The following ECH1 variants were observed in gnomAD, a reference collection of about 807,000 sequenced individuals.
ECH1 encodes the protein delta(3,5)-Delta(2,4)-dienoyl-CoA isomerase, mitochondrial.
In ECH1, 30 loss-of-function variants were observed where a neutral mutation model predicts 37.0. The observed-to-expected ratio is 0.81, with a 90% CI of 0.61 to 1.10. The LOEUF (loss-of-function observed/expected upper bound fraction) is 1.10. Ranked by LOEUF, ECH1 falls within the 50% of genes least tolerant of loss-of-function variation. The pLI, the probability that ECH1 is intolerant of heterozygous loss-of-function variation, is 0.00. For synonymous variants in ECH1, 178 were observed against 176.0 expected (o/e 1.01, Z -0.09); for missense variants, 456 against 441.6 (o/e 1.03, Z -0.29).
chr19:38,831,448 C>G lies in ECH1; in HGVS notation c.121G>C (p.Glu41Gln). Residue 41 changes from glutamate to glutamine, a missense_variant, in exon 2 of 10, where the codon GAG becomes CAG. Glu to Gln is a conservative substitution (Grantham distance 29). Transcript: ENST00000221418. ...LRLTGSSAQEEASGVALGEAP... is the reference protein window; with the variant it reads ...LRLTGSSAQEQASGVALGEAP... The stretch of plus-strand genomic sequence containing the variant: ...TCACCGAGGGCTACTCCGGAAGCCT[C>G]CTCTTGTGCAGAGGAGCCAGTGAGG... The G allele has an allele frequency of 6.2e-7, 1 of 1,614,108 alleles. No individual in the cohort carries two copies. The highest frequency in any genetic ancestry group is 1.1e-5 in the South Asian group (1 of 91,076).
chr19:38,816,466 T>A lies in ECH1; in HGVS notation c.646A>T (p.Ile216Phe). 6.2e-7 allele frequency: 1 copy of A among 1,614,134 alleles called. No individual in the cohort carries two copies. The highest frequency in any genetic ancestry group is 1.3e-5 in the African/African-American group (1 of 75,050). Residue 216 changes from isoleucine (I) to phenylalanine (F), a missense_variant, in exon 7 of 10, where the codon ATC becomes TTC. By Grantham distance (21) the Ile-to-Phe change is conservative (BLOSUM62 0). Transcript: ENST00000221418. ...VGTLQRLPKV[I>F]GNQSLVNELA... is the part of the protein sequence containing the mutation. ...CCCTGCACCCACCTCTGGTTCCCGA[T>A]GACCTTGGGCAGGCGCTGCAGTGTT...
chr19:38,817,941 A>C (rs1971604014), intron 3 of ECH1, among the ~76,000 whole-genome samples: 1 of 152,180 alleles, frequency 6.6e-6, no homozygotes, highest in Non-Finnish European at 1.5e-5. Context: ...ATGTTTTTAG[A>C]GACAGGGTCT....
At chr19:38,816,058 C>A (rs1354818191) in intron 8 of ECH1, 51 bp from the exon 9 acceptor site, 1 of 1,605,430 alleles carries the variant, frequency 6.2e-7, no homozygotes, top group Non-Finnish European at 8.5e-7. Context: ...GCTCTCTCCT[C>A]CAGCCTCCCG....
chr19:38,817,263 A>G (rs1367561311), intron 5 of ECH1, 53 bp downstream of exon 5: 1 of 1,530,612 alleles, frequency 6.5e-7, no homozygotes, highest in Non-Finnish European at 8.8e-7. Flanking sequence ...GCGGCATCGG[A>G]GCAGCAGCCC....
At position 38,815,902 on chromosome 19, in the gene ECH1, C is replaced by T. The variant is rs1226681419; in HGVS notation, c.837G>A (p.Leu279=). The T allele has an allele frequency of 6.2e-7, 1 of 1,614,190 alleles. No homozygotes were observed. The highest frequency in any genetic ancestry group is 1.7e-5 in the Admixed American group (1 of 60,024). The change falls in exon 9 of 10, where the codon CTG becomes CTA. Residue 279 remains leucine, a synonymous_variant. Coordinates refer to ENST00000221418, the MANE Select transcript of ECH1 (RefSeq NM_001398.3). ...PVAVQSTKVN[L]LYSRDHSVAE... is the part of the protein sequence containing the mutation. Reference sequence around the variant, plus strand: ...CCACCGAATGGTCGCGGGAATACAGCAGGTTGACCTTGGTGCTCTGCACCG... The same window carrying T: ...CCACCGAATGGTCGCGGGAATACAGTAGGTTGACCTTGGTGCTCTGCACCG...
chr19:38,831,560 C>A (rs751344564), intron 1 of ECH1, 44 bp from the exon 2 acceptor site: 2 of 1,582,458 alleles, frequency 1.3e-6, no homozygotes, highest in Admixed American at 3.6e-5. Context: ...GACTGCAAGA[C>A]ACAGGCCTAT....
chr19:38,829,096 C>A (rs909150131), intron 3 of ECH1, among the ~76,000 whole-genome samples: 1 of 150,730 alleles, frequency 6.6e-6, no homozygotes, highest in African/African-American at 2.4e-5. Flanking sequence ...ACCCGCCTGG[C>A]CAAAATGGTG....
chr19:38,829,652 C>G (rs900637436), intron 3 of ECH1, among the ~76,000 whole-genome samples: 9 of 151,666 alleles, frequency 5.9e-5, no homozygotes, highest in African/African-American at 2.2e-4. Flanking sequence ...CCCGTTTCTA[C>G]TAAAAACACA....
Position 38,815,926 on chromosome 19 carries a change from C to T in ECH1, c.813G>A (p.Ala271=), listed in dbSNP as rs763240178. ...AAEISSKSPV[A]VQSTKVNLLY... ...GCAGGTTGACCTTGGTGCTCTGCAC[C>T]GCCACGGGGCTCTTGCTGGAAATCT... is the stretch of plus-strand genomic sequence containing the variant. Residue 271 remains alanine (A), a synonymous_variant, in exon 9 of 10, where the codon GCG becomes GCA. Transcript: ENST00000221418. The T allele has an allele frequency of 2.4e-5, 38 of 1,614,060 alleles. No individual in the cohort carries two copies. The Admixed American group carries it at 3.3e-4, about 14-fold the overall frequency.
At chr19:38,819,992 G>A (rs1391467186) in intron 3 of ECH1, among the ~76,000 whole-genome samples, 1 of 149,838 alleles carries the variant, frequency 6.7e-6, no homozygotes, top group Non-Finnish European at 1.5e-5. Flanking sequence ...GCAGGACAGA[G>A]AGGTGAAAAG....
chr19:38,831,749 A>G lies in ECH1; in HGVS notation c.24T>C (p.Ser8=). 1 of 1,612,986 alleles carries G rather than the reference A, an allele frequency of 6.2e-7. No individual in the cohort carries two copies. The highest frequency in any genetic ancestry group is 8.5e-7 in the Non-Finnish European group (1 of 1,179,770). The change falls in exon 1 of 10, where the codon TCT becomes TCC. Residue 8 remains serine, a synonymous_variant. Coordinates refer to ENST00000221418, the MANE Select transcript of ECH1 (RefSeq NM_001398.3). MAAGIVA[S]RRLRDLLTRR... is the part of the protein sequence containing the mutation. ...GGGTCAGTAGGTCGCGGAGTCTGCG[A>G]GAAGCCACTATCCCCGCCGCCATCG... is the stretch of plus-strand genomic sequence containing the variant.
chr19:38,827,259 G>A (rs1971752920), intron 3 of ECH1, among the ~76,000 whole-genome samples: 1 of 152,222 alleles, frequency 6.6e-6, no homozygotes, highest in Admixed American at 6.5e-5. Context: ...GACTGTCCTA[G>A]TCAAGACTGG....
At chr19:38,816,972 C>T (rs45561337) in intron 6 of ECH1, 93 bp downstream of exon 6, 32 of 1,403,636 alleles carry the variant, frequency 2.3e-5, no homozygotes, top group Non-Finnish European at 2.8e-5. Context: ...GGTTCAACTC[C>T]GACTCTTCCA....
At chr19:38,821,028 C>T (rs756106062) in intron 3 of ECH1, among the ~76,000 whole-genome samples, 1 of 152,184 alleles carries the variant, frequency 6.6e-6, no homozygotes, top group Non-Finnish European at 1.5e-5. Flanking sequence ...CCTGTGATCC[C>T]AGCACTTTGG....
In ECH1 at chr19:38,831,752, AGC is replaced by A; in HGVS notation, c.19_20del (p.Ala7PhefsTer23). MAAGIV[A>X]SRRLRDLLTR... ...TCAGTAGGTCGCGGAGTCTGCGAGAAGCCACTATCCCCGCCGCCATCGCCGCC... is the reference window on the plus strand; with the variant it reads ...TCAGTAGGTCGCGGAGTCTGCGAGAACACTATCCCCGCCGCCATCGCCGCC... On this transcript the variant is annotated frameshift_variant, in exon 1 of 10. Transcript: ENST00000221418. LOFTEE classifies it high-confidence loss of function. 6.2e-7 allele frequency: 1 copy of A among 1,613,266 alleles called. No homozygotes were observed. The highest frequency in any genetic ancestry group is 8.5e-7 in the Non-Finnish European group (1 of 1,179,842).
chr19:38,816,948 G>A, intron 6 of ECH1, 117 bp downstream of exon 6: 1 of 1,189,320 alleles, frequency 8.4e-7, no homozygotes, highest in South Asian at 1.4e-5. Flanking sequence ...CTATGGGCAA[G>A]TCTTACTTTG....
chr19:38,820,725 C>T (rs767575938), intron 3 of ECH1, among the ~76,000 whole-genome samples: 6 of 152,150 alleles, frequency 3.9e-5, no homozygotes, highest in Admixed American at 1.3e-4. Flanking sequence ...CGGGGTCTTG[C>T]TGCTGAAAAT....
intron 3 of ECH1, chr19:38,819,277 G>A (rs1363269914): frequency 3.1e-6 from 3 of 955,782 alleles, no homozygotes; most frequent in Non-Finnish European, 3.7e-6. Flanking sequence ...AGGACCTTTG[G>A]GCTGACAACC....
Position 38,815,565 on chromosome 19 carries a change from G to C in ECH1, c.*48C>G, listed in dbSNP as rs756524744. The C allele has an allele frequency of 1.3e-6, 2 of 1,566,820 alleles. No individual in the cohort carries two copies. The highest frequency in any genetic ancestry group is 1.8e-6 in the Non-Finnish European group (2 of 1,139,222). The stretch of plus-strand genomic sequence containing the variant: ...GCCCATCCTCCCTTTCTGTGGATGA[G>C]GCGGGACAAGGCCGGCCCCCTGGCT... On this transcript the variant is annotated 3_prime_UTR_variant, in exon 10 of 10. Transcript: ENST00000221418.
Sources: allele counts gnomAD v4.1 joint callset (sites outside exome capture counted in the v4.1 genomes callset), GRCh38; gene constraint gnomAD v4.1.1; transcripts MANE v1.5; gene names NCBI Gene and HGNC (gene_info 2026-07-23, HGNC 2026-07-21).